ZNF732: variants seen among roughly 807,000 people sequenced by gnomAD.
ZNF732 encodes the protein zinc finger protein LOC654254.
Under a neutral mutation model 11.5 loss-of-function variants are expected in ZNF732, and 12 were observed. That is an observed-to-expected ratio of 1.05 (90% confidence interval 0.67 to 1.70). The LOEUF is 1.70. Ranked by LOEUF, ZNF732 falls within the 40% of genes most tolerant of loss-of-function variation. ZNF732 has a pLI of 0.00. For synonymous variants in ZNF732, 231 were observed against 236.5 expected (o/e 0.98, Z 0.21); for missense variants, 702 against 676.9 (o/e 1.04, Z -0.41).
chr4:278,770 C>T (rs528073681), intron 3 of ZNF732, among the ~76,000 whole-genome samples: 3 of 152,300 alleles, frequency 2.0e-5, no homozygotes, highest in South Asian at 4.1e-4. Flanking sequence ...CGTCTGTGCA[C>T]GGAAGGGTGG....
chr4:281,058 T>C (rs567031811), intron 3 of ZNF732, among the ~76,000 whole-genome samples: 1 of 152,180 alleles, frequency 6.6e-6, no homozygotes, highest in Non-Finnish European at 1.5e-5. Context: ...TCCAAGTCCA[T>C]GCAACCAAGT....
intron 2 of ZNF732, 99 bp from the exon 3 acceptor site, chr4:295,632 C>A: frequency 9.6e-7 from 1 of 1,042,394 alleles, no homozygotes; most frequent in South Asian, 1.7e-5. Flanking sequence ...GAAGATCCTA[C>A]ATAATTAATC....
At chr4:286,261 G>C (rs1483419102) in intron 3 of ZNF732, among the ~76,000 whole-genome samples, 2 of 152,138 alleles carry the variant, frequency 1.3e-5, no homozygotes, top group African/African-American at 4.8e-5. Context: ...TAATTATGAA[G>C]CTATAGTTAT....
intron 3 of ZNF732, among the ~76,000 whole-genome samples, chr4:273,104 TG>T (rs1180023581): frequency 6.6e-6 from 1 of 152,126 alleles, no homozygotes; most frequent in African/African-American, 2.4e-5. Flanking sequence ...AAGGACAGGT[TG>T]GGTCTGCTAA....
In ZNF732 at chr4:271,311, A is replaced by G. The variant is rs1553837326; in HGVS notation, c.1546T>C (p.Tyr516His). 1.3e-6 allele frequency: 2 copies of G among 1,597,356 alleles called. No homozygotes were observed. The highest frequency in any genetic ancestry group is 8.5e-7 in the Non-Finnish European group (1 of 1,172,008). ...TGAATTTTCTTATGTTTACTCAGGT[A>G]TGTGGACCATCCAAAGGCTTTGCCA... ...ECGKAFGWST[Y>H]LSKHKKIHTG... The change falls in exon 4 of 4, where the codon TAC becomes CAC. Residue 516 changes from tyrosine to histidine, a missense_variant. By Grantham distance (83) the Tyr-to-His change is moderately conservative (BLOSUM62 2). Around this residue, in one of 3 missense-constraint regions of ZNF732, gnomAD observed 94 missense variants for 87.5 expected, o/e 1.07. Coordinates refer to ENST00000419098, the MANE Select transcript of ZNF732 (RefSeq NM_001137608.3).
intron 1 of ZNF732, among the ~76,000 whole-genome samples, chr4:303,632 A>C (rs1720163106): frequency 6.6e-6 from 1 of 152,196 alleles, no homozygotes; most frequent in Non-Finnish European, 1.5e-5. Flanking sequence ...ACAAAACAAA[A>C]AATGTTTTCA....
At chr4:284,689 G>A (rs1458369579) in intron 3 of ZNF732, among the ~76,000 whole-genome samples, 2 of 151,660 alleles carry the variant, frequency 1.3e-5, no homozygotes, top group Admixed American at 1.3e-4. Flanking sequence ...TGGCCAACAT[G>A]GTGAAACCAA....
intron 3 of ZNF732, among the ~76,000 whole-genome samples, chr4:282,048 T>A (rs562818599): frequency 6.6e-6 from 1 of 152,250 alleles, no homozygotes; most frequent in East Asian, 1.9e-4. Context: ...TACACAATAG[T>A]AGAACTAAAA....
intron 1 of ZNF732, among the ~76,000 whole-genome samples, chr4:305,085 C>A (rs1388427105): frequency 6.6e-6 from 1 of 152,196 alleles, no homozygotes; most frequent in Admixed American, 6.5e-5. Context: ...AGGGAAGGTG[C>A]GGGGCTGCGG....
chr4:305,186 A>C, intron 1 of ZNF732, 122 bp downstream of exon 1: 5 of 1,367,512 alleles, frequency 3.7e-6, no homozygotes, highest in Non-Finnish European at 3.9e-6. Flanking sequence ...GAAGGGACCA[A>C]GGACTGAGGG....
intron 3 of ZNF732, among the ~76,000 whole-genome samples, chr4:292,227 C>T (rs1226658800): frequency 6.6e-6 from 1 of 152,166 alleles, no homozygotes; most frequent in African/African-American, 2.4e-5. Context: ...AAGTAAACTG[C>T]TTCTGCACAG....
In ZNF732 at chr4:270,854, G is replaced by A; in HGVS notation, c.*245C>T. ...TTGCCACATTCTTCACATTTGTAGGGTTGCTCTCCAGCATCAATTTTCTTA... is the reference window on the plus strand; with the variant it reads ...TTGCCACATTCTTCACATTTGTAGGATTGCTCTCCAGCATCAATTTTCTTA... On this transcript the variant is annotated 3_prime_UTR_variant, in exon 4 of 4. Transcript: ENST00000419098. The A allele has an allele frequency of 1.4e-6, 1 of 693,192 alleles. No homozygotes were observed. Among genetic ancestry groups the A allele is most frequent in the Admixed American group, 2.0e-5 (1 of 50,876 alleles). 42.9% of individuals were successfully genotyped at this position (693,192 alleles called of 1,614,324 possible).
At chr4:299,692 T>C (rs1261434891) in intron 1 of ZNF732, among the ~76,000 whole-genome samples, 4 of 142,286 alleles carry the variant, frequency 2.8e-5, no homozygotes, top group Admixed American at 1.4e-4. Flanking sequence ...TAAATATATA[T>C]ACTTTTTTTT....
chr4:281,870 T>TA (rs1241967940), intron 3 of ZNF732, among the ~76,000 whole-genome samples: 4 of 152,082 alleles, frequency 2.6e-5, no homozygotes, highest in Non-Finnish European at 5.9e-5. Context: ...AACACAGATC[T>TA]AAAAAATGGC....
Position 296,077 on chromosome 4 carries a change from A to C in ZNF732, c.82T>G (p.Leu28Val). 1.2e-6 allele frequency: 2 copies of C among 1,613,964 alleles called. No individual in the cohort carries two copies. The highest frequency in any genetic ancestry group is 1.7e-6 in the Non-Finnish European group (2 of 1,179,936). ...WKCLDPAQQN[L>V]YRDVMLENYR... is the part of the protein sequence containing the mutation. ...TTCTCCAACATCACATCTCTATACA[A>C]ATTCTGCTGGGCAGGGTCCAGGCAT... Residue 28 changes from leucine to valine, a missense_variant, in exon 2 of 4, where the codon TTG (leucine) becomes GTG (valine). Transcript: ENST00000419098.
chr4:291,525 A>G (rs982839712), intron 3 of ZNF732, among the ~76,000 whole-genome samples: 1 of 152,256 alleles, frequency 6.6e-6, no homozygotes, highest in East Asian at 1.9e-4. Flanking sequence ...TAAATACAAG[A>G]TACAAAATCT....
rs1720061709 is a variant in ZNF732, at chr4:299,514, C to CACATATGT, written c.4-3360_4-3359insACATATGT. ...ATGTGTGTATATATACACACATATACGTATATATGTGTATATATACATATA... is the reference window on the plus strand; with the variant it reads ...ATGTGTGTATATATACACACATATACACATATGTGTATATATGTGTATATATACATATA... On this transcript the variant is annotated intron_variant, in intron 1 of 3. Coordinates refer to ENST00000419098, the MANE Select transcript of ZNF732 (RefSeq NM_001137608.3). 1.2e-4 allele frequency among the ~76,000 whole-genome samples: 11 copies of CACATATGT among 95,480 alleles called. 3 individuals carry two copies. Among genetic ancestry groups the CACATATGT allele is most frequent in the Non-Finnish European group, 1.4e-4 (7 of 48,324 alleles). The allele number at this position is 95,480 out of a possible 152,430, so 62.6% of individuals were successfully genotyped here. A position where few individuals can be genotyped will look rare whatever the true frequency, so the allele number is the denominator to read the frequency against.
intron 3 of ZNF732, among the ~76,000 whole-genome samples, chr4:288,205 G>C (rs114334217): frequency 0.016 from 2,444 of 152,030 alleles, 63 homozygotes; most frequent in African/African-American, 0.056. Flanking sequence ...TGCTTCTTAG[G>C]TGGGACTCTT....
At chr4:290,275 A>T (rs1719816974) in intron 3 of ZNF732, among the ~76,000 whole-genome samples, 1 of 152,244 alleles carries the variant, frequency 6.6e-6, no homozygotes, top group Admixed American at 6.5e-5. Context: ...GAGCCCATAG[A>T]CATAGCTACA....
Sources: gnomAD v4.1 joint callset for allele counts (sites outside exome capture counted in the v4.1 genomes callset) on GRCh38, gnomAD v4.1.1 for gene constraint, gnomAD v4.1.1 regional missense constraint, MANE v1.5 for transcripts, NCBI Gene and HGNC (gene_info 2026-07-23, HGNC 2026-07-21) for gene names.